Variants in SGCD observed in about 807,000 individuals in gnomAD.
SGCD encodes sarcoglycan delta, also known as delta-sarcoglycan.
In SGCD, 18 loss-of-function variants were observed where a neutral mutation model predicts 36.6. The observed-to-expected ratio is 0.49, with a 90% CI of 0.34 to 0.73. The LOEUF is 0.73. SGCD is among the 30% of genes least tolerant of loss of function. SGCD has a pLI of 0.01. For synonymous variants in SGCD, 133 were observed against 130.6 expected (o/e 1.02, Z -0.12); for missense variants, 387 against 346.7 (o/e 1.12, Z -0.92).
intron 3 of SGCD, among the ~76,000 whole-genome samples, chr5:156,241,476 C>A (rs1765304800): frequency 6.6e-6 from 1 of 152,046 alleles, no homozygotes; most frequent in Non-Finnish European, 1.5e-5. Flanking sequence ...TGTGGGCTTA[C>A]CAAGAACATG....
chr5:156,644,444 T>C (rs912663139), intron 6 of SGCD, among the ~76,000 whole-genome samples: 3 of 152,148 alleles, frequency 2.0e-5, no homozygotes, highest in African/African-American at 7.2e-5. Flanking sequence ...TAGTTAAGTT[T>C]CATTTTTGCT....
intron 7 of SGCD, among the ~76,000 whole-genome samples, chr5:156,755,993 C>A (rs1757321160): frequency 6.6e-6 from 1 of 152,140 alleles, no homozygotes; most frequent in South Asian, 2.1e-4. Flanking sequence ...GCTCTGTTTG[C>A]CACTTACTGA....
intron 3 of SGCD, among the ~76,000 whole-genome samples, chr5:156,127,342 G>A (rs112106098): frequency 3.9e-4 from 60 of 152,282 alleles, no homozygotes; most frequent in Non-Finnish European, 5.7e-4. Context: ...CGAGGCTCAT[G>A]CCTGTAATCT....
At chr5:155,919,389 T>A (rs1756825143) in intron 1 of SGCD, among the ~76,000 whole-genome samples, 3 of 152,212 alleles carry the variant, frequency 2.0e-5, no homozygotes, top group Non-Finnish European at 4.4e-5. Flanking sequence ...AAACTTGCAT[T>A]GCAGAGAGGG....
chr5:156,254,068 T>C (rs1421579179), intron 3 of SGCD, among the ~76,000 whole-genome samples: 1 of 152,190 alleles, frequency 6.6e-6, no homozygotes, highest in African/African-American at 2.4e-5. Context: ...AATTTCATTT[T>C]CTTCTTTTCA....
chr5:156,187,477 C>T (rs1477339659), intron 3 of SGCD, among the ~76,000 whole-genome samples: 1 of 151,940 alleles, frequency 6.6e-6, no homozygotes, highest in Non-Finnish European at 1.5e-5. Context: ...AGTCTCTAGC[C>T]CTCTAGAGGC....
At chr5:156,073,947 T>C (rs905323671) in intron 1 of SGCD, among the ~76,000 whole-genome samples, 1 of 152,084 alleles carries the variant, frequency 6.6e-6, no homozygotes, top group Non-Finnish European at 1.5e-5. Context: ...GAGGAGCCAT[T>C]TCATGGAAGA....
At chr5:155,989,807 G>A (rs1025000148) in intron 1 of SGCD, among the ~76,000 whole-genome samples, 3 of 152,194 alleles carry the variant, frequency 2.0e-5, no homozygotes, top group African/African-American at 4.8e-5. Context: ...CCACAACTGT[G>A]TGTTTTCTTC....
Position 155,993,298 on chromosome 5 carries a change from A to G in SGCD, c.-282+122874A>G, listed in dbSNP as rs114747543. On this transcript the variant is annotated intron_variant, in intron 1 of 9. Coordinates refer to the SGCD transcript ENST00000517913. Reference sequence around the variant, plus strand: ...CTTCATGACAGTCATTCCCATGTCTATGTGTTTTATTATACCTTATTAATA... The same window carrying G: ...CTTCATGACAGTCATTCCCATGTCTGTGTGTTTTATTATACCTTATTAATA... Among the ~76,000 whole-genome samples the G allele has an allele frequency of 3.5e-3, 499 of 140,924 alleles. 4 individuals carry two copies. The highest frequency in any genetic ancestry group is 0.012 in the African/African-American group (451 of 37,884). 92.5% of individuals were successfully genotyped at this position (140,924 alleles called of 152,430 possible).
At chr5:156,385,841 T>C (rs1771247582) in intron 3 of SGCD, among the ~76,000 whole-genome samples, 1 of 152,218 alleles carries the variant, frequency 6.6e-6, no homozygotes, top group Non-Finnish European at 1.5e-5. Context: ...GCCTGCACTG[T>C]GCTAAGTGAT....
At chr5:155,907,671 T>C (rs1756547874) in intron 1 of SGCD, among the ~76,000 whole-genome samples, 1 of 152,126 alleles carries the variant, frequency 6.6e-6, no homozygotes, top group Admixed American at 6.6e-5. Flanking sequence ...TACAGTCTCA[T>C]GCTAAAACTT....
intron 3 of SGCD, among the ~76,000 whole-genome samples, chr5:156,496,071 T>C (rs954554401): frequency 2.0e-5 from 3 of 152,168 alleles, no homozygotes; most frequent in Non-Finnish European, 4.4e-5. Context: ...GTATGAGTTG[T>C]GGGCATCACT....
chr5:156,094,696 G>T (rs377616796), intron 1 of SGCD, among the ~76,000 whole-genome samples: 1 of 152,146 alleles, frequency 6.6e-6, no homozygotes, highest in African/African-American at 2.4e-5. Context: ...TTCTGGGGAG[G>T]AAGGAGATAG....
chr5:156,710,994 A>G (rs1754964975), intron 7 of SGCD, among the ~76,000 whole-genome samples: 1 of 152,182 alleles, frequency 6.6e-6, no homozygotes. Context: ...ATGTGATACT[A>G]TACTAGAGTC....
chr5:156,651,464 G>T (rs1168960928), intron 7 of SGCD, among the ~76,000 whole-genome samples: 1 of 152,134 alleles, frequency 6.6e-6, no homozygotes, highest in African/African-American at 2.4e-5. Flanking sequence ...TCCATCTTTA[G>T]TTAATTCTTA....
At chr5:156,647,315 A>G (rs546119769) in intron 6 of SGCD, 149 bp from the exon 7 acceptor site, 51 of 532,790 alleles carry the variant, frequency 9.6e-5, no homozygotes, top group East Asian at 6.7e-4. Flanking sequence ...ATGCTTTCCT[A>G]TCATGGAGCT....
At chr5:155,876,445 T>C (rs1401915979) in intron 1 of SGCD, among the ~76,000 whole-genome samples, 1 of 152,082 alleles carries the variant, frequency 6.6e-6, no homozygotes, top group African/African-American at 2.4e-5. Context: ...GAAGTGGTTG[T>C]GTTATATTTA....
chr5:156,697,251 A>C (rs377567564), intron 7 of SGCD, among the ~76,000 whole-genome samples: 1 of 152,180 alleles, frequency 6.6e-6, no homozygotes, highest in Non-Finnish European at 1.5e-5. Context: ...TATATAAATT[A>C]TATCTCAATA....
chr5:155,856,585 A>T, the SGCD span, among the ~76,000 whole-genome samples: 139 of 152,154 alleles, frequency 9.1e-4, no homozygotes, highest in African/African-American at 3.2e-3. Flanking sequence ...TGGGAAAAAA[A>T]TTTTAAATCA....
Sources: gnomAD v4.1 joint callset for allele counts (sites outside exome capture counted in the v4.1 genomes callset) on GRCh38, gnomAD v4.1.1 for gene constraint, MANE v1.5 for transcripts, NCBI Gene and HGNC (gene_info 2026-07-23, HGNC 2026-07-21) for gene names.